Variants in LACC1 observed in about 807,000 individuals in gnomAD.
LACC1 encodes laccase domain multifunctional purine nucleosidase 1.
LACC1 carries 25 observed loss-of-function variants against 34.8 expected under a neutral mutation model. The observed-to-expected ratio is 0.72, with a 90% CI of 0.52 to 1.00. The LOEUF is 1.00. Among genes scored for constraint, LACC1 ranks in the 50% least tolerant of loss-of-function variants. LACC1 has a pLI of 0.00. For missense variants in LACC1, 426 were observed against 511.2 expected, an observed-to-expected ratio of 0.83 and a Z score of 1.61; for synonymous variants, 162 against 168.0, an observed-to-expected ratio of 0.96 and a Z score of 0.28.
At chr13:43,885,391 A>G (rs1030466218) in intron 4 of LACC1, among the ~76,000 whole-genome samples, 4 of 152,194 alleles carry the variant, frequency 2.6e-5, no homozygotes, top group Admixed American at 2.6e-4. Flanking sequence ...ACAGCATGGT[A>G]CTGGTACCAA....
At chr13:43,890,408 A>G (rs1283283491) in intron 6 of LACC1, 134 bp downstream of exon 6, 1 of 679,626 alleles carries the variant, frequency 1.5e-6, no homozygotes, top group Non-Finnish European at 2.3e-6. Flanking sequence ...AATTATGTTA[A>G]ACTTTACTCC....
intron 4 of LACC1, among the ~76,000 whole-genome samples, chr13:43,887,293 TTATC>T (rs1468648663): frequency 2.0e-5 from 3 of 152,172 alleles, no homozygotes; most frequent in Non-Finnish European, 4.4e-5. Flanking sequence ...TCATCTCCTT[TTATC>T]TGTAAAAATT....
At chr13:43,884,019 C>G (rs1270473763) in intron 4 of LACC1, 83 bp downstream of exon 4, 1 of 1,163,642 alleles carries the variant, frequency 8.6e-7, no homozygotes, top group African/African-American at 1.5e-5. Flanking sequence ...ATGGACATGG[C>G]AAACAGTTAA....
At chr13:43,891,053 A>G (rs1479013621) in intron 6 of LACC1, among the ~76,000 whole-genome samples, 1 of 152,206 alleles carries the variant, frequency 6.6e-6, no homozygotes, top group Non-Finnish European at 1.5e-5. Flanking sequence ...TTAGGCCAGG[A>G]GTTTGAGTAC....
intron 4 of LACC1, 67 bp downstream of exon 4, chr13:43,884,003 T>C: frequency 7.4e-7 from 1 of 1,350,758 alleles, no homozygotes; most frequent in Non-Finnish European, 1.0e-6. Context: ...TTGTAATTTC[T>C]TTCTGATGGA....
chr13:43,882,542 TAC>T (rs375149836), intron 3 of LACC1, among the ~76,000 whole-genome samples, 179 bp downstream of exon 3: 10 of 133,866 alleles, frequency 7.5e-5, no homozygotes, highest in East Asian at 4.3e-4. Context: ...TTCTATTTTA[TAC>T]ACACACACAC....
In LACC1 at chr13:43,893,002, T is replaced by C. The variant is rs554031681; in HGVS notation, c.*1555T>C. The C allele has an allele frequency of 2.0e-5, 3 of 152,338 alleles. No individual in the cohort carries two copies. Among genetic ancestry groups the C allele is most frequent in the African/African-American group, 7.2e-5 (3 of 41,584 alleles). 9.4% of individuals were successfully genotyped at this position (152,338 alleles called of 1,614,324 possible). Reference sequence around the variant, plus strand: ...AGAAGAGAAAAAGCTGGGGACTACATCTTCAAGGAAGGGACTTTTTTTGGA... The same window carrying C: ...AGAAGAGAAAAAGCTGGGGACTACACCTTCAAGGAAGGGACTTTTTTTGGA... On this transcript the variant is annotated 3_prime_UTR_variant, in exon 7 of 7. Coordinates refer to ENST00000325686, the MANE Select transcript of LACC1 (RefSeq NM_153218.4).
Position 43,880,999 on chromosome 13 carries a change from T to G in LACC1, c.14T>G (p.Val5Gly). The G allele has an allele frequency of 6.2e-7, 1 of 1,612,848 alleles. No individual in the cohort carries two copies. The highest frequency in any genetic ancestry group is 8.5e-7 in the Non-Finnish European group (1 of 1,179,160). MAEAVLIDLFGLKLN... is the reference protein window; with the variant it reads MAEAGLIDLFGLKLN... ...ATTCTTTCAAGGATGGCAGAAGCTG[T>G]TTTGATTGATCTTTTTGGTTTGAAA... The change falls in exon 2 of 7, where the codon GTT becomes GGT. Residue 5 changes from valine (V) to glycine (G), a missense_variant. Val to Gly is a moderately radical substitution (Grantham distance 109). Coordinates refer to ENST00000325686, the MANE Select transcript of LACC1 (RefSeq NM_153218.4).
At chr13:43,890,329 C>A in intron 6 of LACC1, 55 bp downstream of exon 6, 1 of 1,406,354 alleles carries the variant, frequency 7.1e-7, no homozygotes. Context: ...TCCCTCTCTC[C>A]ACTTCTCCCT....
At chr13:43,888,730 T>C (rs1187592188) in intron 4 of LACC1, 27 bp from the exon 5 acceptor site, 2 of 1,571,948 alleles carry the variant, frequency 1.3e-6, no homozygotes, top group Non-Finnish European at 1.8e-6. Flanking sequence ...TTGACTTCTC[T>C]TATCTCTTTT....
intron 4 of LACC1, among the ~76,000 whole-genome samples, chr13:43,887,297 C>G (rs1175158079): frequency 1.3e-5 from 2 of 152,116 alleles, no homozygotes; most frequent in South Asian, 2.1e-4. Flanking sequence ...CTCCTTTTAT[C>G]TGTAAAAATT....
At chr13:43,884,217 C>A (rs1391633085) in intron 4 of LACC1, among the ~76,000 whole-genome samples, 1 of 152,088 alleles carries the variant, frequency 6.6e-6, no homozygotes, top group Non-Finnish European at 1.5e-5. Context: ...AGCAAGGGTG[C>A]TATTAACATT....
In LACC1 at chr13:43,890,111, A is replaced by G. The variant is rs1955508506; in HGVS notation, c.1134-3A>G. 6.3e-7 allele frequency: 1 copy of G among 1,599,268 alleles called. No homozygotes were observed. Among genetic ancestry groups the G allele is most frequent in the Non-Finnish European group, 8.5e-7 (1 of 1,174,048 alleles). ...CTCTCTTTTGAAAAATATTTTTCCT[A>G]AGGATTCTTCTAGAACAGGGAGGAA... On this transcript the variant is annotated splice_polypyrimidine_tract_variant and splice_region_variant and intron_variant, in intron 5 of 6. Transcript: ENST00000325686.
chr13:43,882,340 G>A lies in LACC1; in HGVS notation c.718G>A (p.Val240Met), dbSNP rs779780293. ...RRLANAAGFN[V>M]EKFYRIKTHH... ...GTTGGCGAATGCTGCAGGATTTAATGTGGAGAAATTTTACCGAATAAAGGT... is the reference window on the plus strand; with the variant it reads ...GTTGGCGAATGCTGCAGGATTTAATATGGAGAAATTTTACCGAATAAAGGT... Residue 240 changes from valine (V) to methionine (M), a missense_variant, in exon 3 of 7, where the codon GTG (valine) becomes ATG (methionine). Transcript: ENST00000325686. The A allele has an allele frequency of 6.2e-7, 1 of 1,609,046 alleles. No individual in the cohort carries two copies.
chr13:43,890,212 C>T lies in LACC1; in HGVS notation c.1232C>T (p.Ser411Phe), dbSNP rs143196904. The change falls in exon 6 of 7, where the codon TCC becomes TTC. Residue 411 changes from serine to phenylalanine, a missense_variant. By Grantham distance (155) the Ser-to-Phe change is radical (BLOSUM62 -2). Coordinates refer to ENST00000325686, the MANE Select transcript of LACC1 (RefSeq NM_153218.4). The part of the protein sequence containing the change: ...CTSCHPDKFF[S>F]HVRDGLNFGT... ...TCTTGCCATCCTGACAAGTTTTTCTCCCATGTCCGAGATGGCCTTAATTTT... is the reference window on the plus strand; with the variant it reads ...TCTTGCCATCCTGACAAGTTTTTCTTCCATGTCCGAGATGGCCTTAATTTT... 6.2e-7 allele frequency: 1 copy of T among 1,613,734 alleles called. No homozygotes were observed.
intron 5 of LACC1, chr13:43,889,894 G>A (rs1413081346): frequency 1.8e-5 from 8 of 445,968 alleles, no homozygotes; most frequent in East Asian, 6.7e-5. Flanking sequence ...CAATATGGAA[G>A]GTTGTACTGT....
chr13:43,881,249 G>A lies in LACC1; in HGVS notation c.264G>A (p.Leu88=), dbSNP rs1955020039. 1.2e-6 allele frequency: 2 copies of A among 1,614,086 alleles called. No homozygotes were observed. Among genetic ancestry groups the A allele is most frequent in the Admixed American group, 3.3e-5 (2 of 60,022 alleles). Residue 88 remains leucine, a synonymous_variant, in exon 2 of 7, where the codon TTG becomes TTA. Coordinates refer to ENST00000325686, the MANE Select transcript of LACC1 (RefSeq NM_153218.4). ...IVSCPSMAAT[L]YTIKQKIDEK... is the part of the protein sequence containing the mutation. ...GCTGTCCCAGCATGGCTGCCACTTT[G>A]TATACCATTAAACAGAAAATTGATG...
At position 43,893,375 on chromosome 13, in the gene LACC1, C is replaced by T. The variant is rs1955635430; in HGVS notation, c.*1928C>T. The T allele has an allele frequency of 6.6e-6, 1 of 152,006 alleles. No homozygotes were observed. Among genetic ancestry groups the T allele is most frequent in the Admixed American group, 6.5e-5 (1 of 15,268 alleles). The allele number at this position is 152,006 out of a possible 1,614,324, so 9.4% of individuals were successfully genotyped here. On this transcript the variant is annotated 3_prime_UTR_variant, in exon 7 of 7. Transcript: ENST00000325686. Reference sequence around the variant, plus strand: ...TAAGATTTGAACATATGTTTTGTGACTCCAGTTTTCCTTTCAGATTTTAAA... The same window carrying T: ...TAAGATTTGAACATATGTTTTGTGATTCCAGTTTTCCTTTCAGATTTTAAA...
At position 43,888,626 on chromosome 13, in the gene LACC1, A is replaced by T. The variant is rs1955437861; in HGVS notation, c.908-131A>T. On this transcript the variant is annotated intron_variant, in intron 4 of 6. Transcript: ENST00000325686. ...ATGGCTCATTTAAAAACCACATGAT[A>T]ATGTAATTTATTATTTCTGGACTTT... The T allele has an allele frequency of 4.3e-6, 3 of 698,842 alleles. No homozygotes were observed. In the African/African-American group the frequency reaches 5.4e-5, roughly 13 times the overall value. 43.3% of individuals were successfully genotyped at this position (698,842 alleles called of 1,614,324 possible). A position where few individuals can be genotyped will look rare whatever the true frequency, so the allele number is the denominator to read the frequency against.
Sources: allele counts gnomAD v4.1 joint callset (sites outside exome capture counted in the v4.1 genomes callset), GRCh38; gene constraint gnomAD v4.1.1; transcripts MANE v1.5; gene names NCBI Gene and HGNC (gene_info 2026-07-23, HGNC 2026-07-21).